The following HNMT variants were observed in gnomAD, a reference collection of about 807,000 sequenced individuals.
HNMT encodes histamine N-methyltransferase.
In HNMT, 30 loss-of-function variants were observed where a neutral mutation model predicts 32.1. The ratio of observed to expected loss-of-function variants is 0.93; its 90% confidence interval spans 0.70 to 1.27. The LOEUF is 1.27. Ranked by LOEUF, HNMT falls within the 50% of genes most tolerant of loss-of-function variation. The pLI is 0.00. For synonymous variants in HNMT, 125 were observed against 119.0 expected (o/e 1.05, Z -0.33); for missense variants, 327 against 346.0 (o/e 0.95, Z 0.43).
At chr2:137,986,659 T>G (rs895787059) in intron 2 of HNMT, among the ~76,000 whole-genome samples, 1 of 152,100 alleles carries the variant, frequency 6.6e-6, no homozygotes, top group Non-Finnish European at 1.5e-5. Context: ...AAAGTAACCA[T>G]CACAGAAAGG....
intron 4 of HNMT, 61 bp from the exon 5 acceptor site, chr2:138,005,071 C>T (rs1482830395): frequency 1.1e-6 from 1 of 905,314 alleles, no homozygotes; most frequent in South Asian, 1.4e-5. Context: ...GAGTATCTAG[C>T]CCAAGCAATA....
chr2:138,011,089 T>C (rs1158173139), intron 5 of HNMT, among the ~76,000 whole-genome samples: 1 of 152,064 alleles, frequency 6.6e-6, no homozygotes, highest in Non-Finnish European at 1.5e-5. Context: ...AGAGCCATTA[T>C]GATAATGCAT....
At chr2:137,987,265 G>A (rs973145378) in intron 2 of HNMT, among the ~76,000 whole-genome samples, 16 of 152,132 alleles carry the variant, frequency 1.1e-4, no homozygotes, top group Non-Finnish European at 2.2e-4. Flanking sequence ...GAGGTCACAT[G>A]TGGGAAGAGA....
intron 1 of HNMT, among the ~76,000 whole-genome samples, chr2:137,968,982 T>G (rs1352117691): frequency 1.3e-5 from 2 of 152,212 alleles, no homozygotes; most frequent in East Asian, 3.9e-4. Flanking sequence ...CTAGATCTGC[T>G]TCCTCATTTT....
At chr2:138,007,698 G>A (rs73961932) in intron 5 of HNMT, among the ~76,000 whole-genome samples, 1,558 of 152,004 alleles carry the variant, frequency 0.01, 28 homozygotes, top group African/African-American at 0.036. Context: ...TGCTGCAGCC[G>A]CCCTTTCTCA....
At chr2:137,997,152 C>A (rs1681022283) in intron 2 of HNMT, among the ~76,000 whole-genome samples, 1 of 152,164 alleles carries the variant, frequency 6.6e-6, no homozygotes, top group East Asian at 1.9e-4. Flanking sequence ...GCAATTGCAA[C>A]AAAAGCCAAC....
chr2:137,993,030 C>T (rs545579632), intron 2 of HNMT, among the ~76,000 whole-genome samples: 67 of 152,254 alleles, frequency 4.4e-4, no homozygotes, highest in African/African-American at 1.6e-3. Flanking sequence ...AAAGTCTCCA[C>T]AAAAACTCCA....
intron 2 of HNMT, among the ~76,000 whole-genome samples, chr2:137,976,019 T>C (rs890156312): frequency 3.3e-5 from 5 of 152,084 alleles, no homozygotes; most frequent in African/African-American, 1.2e-4. Context: ...GTAATCCCAG[T>C]ACTTTGGGAG....
At chr2:138,002,523 C>A in intron 4 of HNMT, 1 of 294,900 alleles carries the variant, frequency 3.4e-6, no homozygotes, top group Non-Finnish European at 5.1e-6. Flanking sequence ...TCTTAGCTCA[C>A]TCTAGCCTCA....
At chr2:137,972,230 C>T (rs900665602) in intron 2 of HNMT, among the ~76,000 whole-genome samples, 2 of 152,016 alleles carry the variant, frequency 1.3e-5, no homozygotes, top group African/African-American at 2.4e-5. Context: ...CTCAGTCTCC[C>T]GAGTAGCTGG....
At chr2:137,968,413 T>C (rs1352593830) in intron 1 of HNMT, among the ~76,000 whole-genome samples, 1 of 152,186 alleles carries the variant, frequency 6.6e-6, no homozygotes, top group East Asian at 1.9e-4. Flanking sequence ...TGCTAATATA[T>C]GTGGAGTGCT....
chr2:138,008,651 A>G (rs1681402833), intron 5 of HNMT, among the ~76,000 whole-genome samples: 1 of 152,078 alleles, frequency 6.6e-6, no homozygotes, highest in Non-Finnish European at 1.5e-5. Flanking sequence ...TCTTTGACAA[A>G]GCTGACAAAA....
intron 5 of HNMT, among the ~76,000 whole-genome samples, chr2:138,006,356 T>C (rs896226752): frequency 6.6e-6 from 1 of 152,022 alleles, no homozygotes; most frequent in Non-Finnish European, 1.5e-5. Flanking sequence ...AGAAAAAGTA[T>C]TGTAGACGGA....
intron 4 of HNMT, among the ~76,000 whole-genome samples, chr2:138,003,377 G>T (rs1681240833): frequency 6.6e-6 from 1 of 152,048 alleles, no homozygotes; most frequent in African/African-American, 2.4e-5. Context: ...ACGTATTTTG[G>T]CAATACCACT....
chr2:138,000,270 C>G lies in HNMT; in HGVS notation c.191-648C>G, dbSNP rs1447361865. Among the ~76,000 whole-genome samples the G allele has an allele frequency of 2.6e-5, 4 of 152,104 alleles. 1 individual carries two copies. In the East Asian group the frequency reaches 5.8e-4, roughly 22 times the overall value. On this transcript the variant is annotated intron_variant, in intron 2 of 5. Coordinates refer to ENST00000280097, the MANE Select transcript of HNMT (RefSeq NM_006895.3). ...ACAGAGTTCATGAGTGATCTTCCCC[C>G]ATGAAGCATCATCACTCTGGCATCA...
chr2:137,996,805 T>C (rs967136048), intron 2 of HNMT, among the ~76,000 whole-genome samples: 2 of 152,158 alleles, frequency 1.3e-5, no homozygotes, highest in African/African-American at 2.4e-5. Flanking sequence ...AACAGCATGG[T>C]ACTGGTACCA....
chr2:138,000,409 A>C (rs1681129452), intron 2 of HNMT, among the ~76,000 whole-genome samples: 1 of 152,034 alleles, frequency 6.6e-6, no homozygotes. Context: ...CAGATATCTG[A>C]CATGTTTTTC....
At chr2:137,965,666 A>C (rs1279759483) in intron 1 of HNMT, among the ~76,000 whole-genome samples, 3 of 152,220 alleles carry the variant, frequency 2.0e-5, no homozygotes, top group Non-Finnish European at 4.4e-5. Flanking sequence ...AGCAAATAGC[A>C]AATATAGAGA....
At chr2:137,980,616 C>T (rs752670368) in intron 2 of HNMT, among the ~76,000 whole-genome samples, 1 of 152,164 alleles carries the variant, frequency 6.6e-6, no homozygotes, top group Non-Finnish European at 1.5e-5. Flanking sequence ...TTTTGTAGAA[C>T]ATTTTGGTTG....
Sources: gnomAD v4.1 joint callset for allele counts (sites outside exome capture counted in the v4.1 genomes callset) on GRCh38, gnomAD v4.1.1 for gene constraint, MANE v1.5 for transcripts, NCBI Gene and HGNC (gene_info 2026-07-23, HGNC 2026-07-21) for gene names.